Variants in OPCML observed in about 807,000 individuals in gnomAD.
OPCML encodes the protein opioid-binding protein/cell adhesion molecule.
A neutral mutation model predicts 37.8 loss-of-function variants in OPCML; 13 were observed. The observed-to-expected ratio is 0.34, with a 90% CI of 0.22 to 0.55. The LOEUF (loss-of-function observed/expected upper bound fraction) is 0.55, where lower values mean the gene tolerates loss of function less well. Ranked by LOEUF, OPCML falls within the 20% of genes least tolerant of loss-of-function variation. OPCML has a pLI of 0.91. For synonymous variants in OPCML, 176 were observed against 168.8 expected, an observed-to-expected ratio of 1.04 and a Z score of -0.33; for missense variants, 341 against 435.6, an observed-to-expected ratio of 0.78 and a Z score of 1.93.
intron 2 of OPCML, among the ~76,000 whole-genome samples, chr11:132,928,580 A>G (rs2136619477): frequency 6.6e-6 from 1 of 152,156 alleles, no homozygotes. Context: ...TAAGATCAAT[A>G]AGGAAATAAA....
At chr11:132,474,541 C>A (rs879379929) in intron 4 of OPCML, among the ~76,000 whole-genome samples, 1 of 152,138 alleles carries the variant, frequency 6.6e-6, no homozygotes, top group Non-Finnish European at 1.5e-5. Context: ...CTCACATTCT[C>A]CCTTATCAAG....
intron 2 of OPCML, among the ~76,000 whole-genome samples, chr11:132,867,615 T>G (rs1333580279): frequency 6.6e-6 from 1 of 152,184 alleles, no homozygotes; most frequent in Non-Finnish European, 1.5e-5. Flanking sequence ...TCTAACATTC[T>G]AGACTGGGCT....
chr11:132,540,237 T>A (rs1191101970), intron 3 of OPCML, among the ~76,000 whole-genome samples: 1 of 152,164 alleles, frequency 6.6e-6, no homozygotes, highest in South Asian at 2.1e-4. Flanking sequence ...ACAGCACTTT[T>A]CACACTGTTC....
intron 2 of OPCML, chr11:132,860,676 G>A (rs1424215936): frequency 6.6e-6 from 1 of 152,126 alleles, no homozygotes; most frequent in Non-Finnish European, 1.5e-5. Context: ...AACGCAAAAG[G>A]TAGGGGTACT....
chr11:132,942,931 G>A lies in OPCML; in HGVS notation c.141C>T (p.Thr47=). The A allele has an allele frequency of 6.2e-7, 1 of 1,613,978 alleles. No individual in the cohort carries two copies. The highest frequency in any genetic ancestry group is 8.5e-7 in the Non-Finnish European group (1 of 1,179,934). The part of the protein sequence containing the change: ...NVTVRQGESA[T]LRCTIDDRVT... ...GCGGAAGGACAGCTCCCTACCTGAG[G>A]GTGGCGCTCTCCCCCTGCCGGACCG... The change falls in exon 2 of 8, where the codon ACC becomes ACT. Residue 47 remains threonine, a synonymous_variant. Transcript: ENST00000524381.
chr11:133,431,348 C>G (rs1946110771), intron 1 of OPCML, among the ~76,000 whole-genome samples: 1 of 152,176 alleles, frequency 6.6e-6, no homozygotes, highest in Non-Finnish European at 1.5e-5. Flanking sequence ...ATATAATTAT[C>G]TGTCTTTTGA....
intron 1 of OPCML, among the ~76,000 whole-genome samples, chr11:133,240,041 A>C (rs934892648): frequency 2.0e-5 from 3 of 152,068 alleles, no homozygotes; most frequent in Non-Finnish European, 4.4e-5. Flanking sequence ...ATGAGATTCC[A>C]ATTATTCATT....
chr11:132,726,474 G>A (rs528863344), intron 2 of OPCML, among the ~76,000 whole-genome samples: 26 of 151,466 alleles, frequency 1.7e-4, no homozygotes, highest in African/African-American at 6.3e-4. Context: ...TTCAAGATGA[G>A]ATTTAGGTAG....
At chr11:133,219,751 TG>T (rs1939738226) in intron 1 of OPCML, among the ~76,000 whole-genome samples, 2 of 152,060 alleles carry the variant, frequency 1.3e-5, no homozygotes, top group Non-Finnish European at 2.9e-5. Context: ...CTGTGCCCCC[TG>T]GAGGACATTT....
intron 7 of OPCML, among the ~76,000 whole-genome samples, chr11:132,424,137 T>G (rs959859743): frequency 6.7e-6 from 1 of 149,900 alleles, no homozygotes; most frequent in Non-Finnish European, 1.5e-5. Context: ...TTTTTTTTTT[T>G]TAGATGGAGT....
chr11:132,673,653 T>C (rs933063064), intron 2 of OPCML, among the ~76,000 whole-genome samples: 1 of 152,162 alleles, frequency 6.6e-6, no homozygotes, highest in Non-Finnish European at 1.5e-5. Context: ...AAGCACTTTC[T>C]GTTTTGGTCA....
At chr11:133,224,364 G>C (rs898541672) in intron 1 of OPCML, among the ~76,000 whole-genome samples, 1 of 152,210 alleles carries the variant, frequency 6.6e-6, no homozygotes. Context: ...TGATATCTTG[G>C]ATGGGTTCAC....
chr11:132,617,472 G>T (rs1939110973), intron 3 of OPCML, among the ~76,000 whole-genome samples: 1 of 152,172 alleles, frequency 6.6e-6, no homozygotes, highest in African/African-American at 2.4e-5. Flanking sequence ...TATGTCTAGT[G>T]TCCCTCTCCC....
chr11:132,460,222 T>A (rs1172220707), intron 4 of OPCML, among the ~76,000 whole-genome samples: 1 of 152,122 alleles, frequency 6.6e-6, no homozygotes, highest in Non-Finnish European at 1.5e-5. Context: ...AGTGACTTTT[T>A]TTTTTTTTAC....
At chr11:133,152,303 T>G (rs1949997780) in intron 1 of OPCML, among the ~76,000 whole-genome samples, 1 of 152,334 alleles carries the variant, frequency 6.6e-6, no homozygotes, top group African/African-American at 2.4e-5. Flanking sequence ...TTCTATTTTG[T>G]GATGCTTATC....
intron 2 of OPCML, among the ~76,000 whole-genome samples, chr11:132,831,689 C>T (rs1289021033): frequency 2.7e-5 from 4 of 150,928 alleles, no homozygotes; most frequent in Admixed American, 2.0e-4. Flanking sequence ...CTCCCTCTCC[C>T]CCATTCAGCA....
intron 1 of OPCML, among the ~76,000 whole-genome samples, chr11:133,329,263 G>T (rs1032633814): frequency 1.3e-5 from 2 of 152,152 alleles, no homozygotes; most frequent in African/African-American, 4.8e-5. Context: ...ACTGCCCAAG[G>T]TAATTTATAG....
At chr11:133,342,312 G>A (rs888706673) in intron 1 of OPCML, among the ~76,000 whole-genome samples, 1 of 152,142 alleles carries the variant, frequency 6.6e-6, no homozygotes, top group Non-Finnish European at 1.5e-5. Flanking sequence ...ACAATGCCAA[G>A]CATGACCATC....
At chr11:133,233,178 A>G (rs1940352010) in intron 1 of OPCML, among the ~76,000 whole-genome samples, 1 of 152,226 alleles carries the variant, frequency 6.6e-6, no homozygotes, top group Admixed American at 6.5e-5. Flanking sequence ...GGACCAAAAG[A>G]GGGGCCGAGT....
Sources: allele counts gnomAD v4.1 joint callset (sites outside exome capture counted in the v4.1 genomes callset), GRCh38; gene constraint gnomAD v4.1.1; transcripts MANE v1.5; gene names NCBI Gene and HGNC (gene_info 2026-07-23, HGNC 2026-07-21).